RIT2: variants seen among roughly 807,000 people sequenced by gnomAD.
RIT2 encodes Ras like without CAAX 2, also known as GTP-binding protein Rit2.
Under a neutral mutation model 23.7 loss-of-function variants are expected in RIT2, and 24 were observed. The observed-to-expected ratio is 1.01, with a 90% CI of 0.73 to 1.43. The LOEUF is 1.43. Ranked by LOEUF, RIT2 falls within the 40% of genes most tolerant of loss-of-function variation. The probability of loss-of-function intolerance (pLI) is 0.00; values close to 1 mark genes in which losing one functional copy is unlikely to be tolerated. For synonymous variants in RIT2, 107 were observed against 91.1 expected (o/e 1.17, Z -0.99); for missense variants, 236 against 266.9 (o/e 0.88, Z 0.81).
chr18:42,997,286 T>C (rs955131883), intron 2 of RIT2, among the ~76,000 whole-genome samples: 7 of 152,128 alleles, frequency 4.6e-5, no homozygotes, highest in African/African-American at 1.4e-4. Flanking sequence ...TTTTGTTTTT[T>C]ATTTTTTTCC....
intron 4 of RIT2, among the ~76,000 whole-genome samples, chr18:42,851,048 G>C (rs1051170866): frequency 2.0e-5 from 3 of 152,124 alleles, no homozygotes; most frequent in African/African-American, 7.2e-5. Context: ...AGAAAATAAA[G>C]AAAATAAATG....
At chr18:42,771,429 T>C (rs1441481010) in intron 4 of RIT2, among the ~76,000 whole-genome samples, 9 of 152,214 alleles carry the variant, frequency 5.9e-5, no homozygotes, top group Non-Finnish European at 1.3e-4. Context: ...GCATAAATTC[T>C]TGTACTTACA....
rs78613697 is a variant in RIT2 at position 42,895,190 on chromosome 18, T to C, written c.426+28382A>G. ...TATCCTAGTAGTCTTTGTTTTTTTT[T>C]CTAGTAATTCTTGTAGTGACTTAAA... is the stretch of plus-strand genomic sequence containing the variant. On this transcript the variant is annotated intron_variant, in intron 4 of 4. Transcript: ENST00000326695. 2.7e-3 allele frequency among the ~76,000 whole-genome samples: 413 copies of C among 152,344 alleles called. 10 individuals carry two copies. The East Asian group carries it at 0.059, about 22-fold the overall frequency.
chr18:42,975,851 T>C (rs1910466730), intron 2 of RIT2, among the ~76,000 whole-genome samples: 1 of 152,062 alleles, frequency 6.6e-6, no homozygotes, highest in South Asian at 2.1e-4. Context: ...TATTCTGCCA[T>C]CTTGCTGACA....
At chr18:42,760,829 T>C (rs1280906571) in intron 4 of RIT2, among the ~76,000 whole-genome samples, 1 of 152,246 alleles carries the variant, frequency 6.6e-6, no homozygotes, top group African/African-American at 2.4e-5. Context: ...CTGGTCTCCC[T>C]GCATGCATCA....
At chr18:42,762,934 CA>C (rs1447031818) in intron 4 of RIT2, among the ~76,000 whole-genome samples, 1 of 152,162 alleles carries the variant, frequency 6.6e-6, no homozygotes, top group Non-Finnish European at 1.5e-5. Context: ...GATGGGGATA[CA>C]TTCATAAGAG....
intron 4 of RIT2, among the ~76,000 whole-genome samples, chr18:42,749,340 T>G (rs1912991580): frequency 6.6e-6 from 1 of 151,872 alleles, no homozygotes; most frequent in Admixed American, 6.6e-5. Flanking sequence ...TAATGATGCT[T>G]ATAGCATTAC....
At chr18:43,098,271 G>T (rs949123670) in intron 1 of RIT2, among the ~76,000 whole-genome samples, 17 of 151,794 alleles carry the variant, frequency 1.1e-4, no homozygotes, top group Non-Finnish European at 7.4e-5. Flanking sequence ...AATCTTTTAT[G>T]GTCAGAGTTT....
At chr18:43,020,561 A>G (rs1297570117) in intron 2 of RIT2, among the ~76,000 whole-genome samples, 2 of 152,062 alleles carry the variant, frequency 1.3e-5, no homozygotes, top group Admixed American at 6.6e-5. Context: ...AATTTTGAGA[A>G]TAAGGAGCAA....
chr18:43,010,759 T>G lies in RIT2; in HGVS notation c.160+23052A>C, dbSNP rs559734940. On this transcript the variant is annotated intron_variant, in intron 2 of 4. Coordinates refer to ENST00000326695, the MANE Select transcript of RIT2 (RefSeq NM_002930.4). ...ACACACATACCAGAGCTCTAGGTCA[T>G]GACTAATTTTTACAGGAATAAAAGA... Among the ~76,000 whole-genome samples, 223 of 151,912 alleles carry G rather than the reference T, an allele frequency of 1.5e-3. 1 individual carries two copies. The highest frequency in any genetic ancestry group is 2.7e-3 in the Non-Finnish European group (182 of 67,840).
chr18:42,790,724 C>T (rs1914024795), intron 4 of RIT2, among the ~76,000 whole-genome samples: 3 of 152,294 alleles, frequency 2.0e-5, no homozygotes, highest in East Asian at 1.9e-4. Flanking sequence ...CCACTGAGCC[C>T]GGCCCTTTAT....
chr18:43,096,147 T>A (rs1194667881), intron 1 of RIT2, among the ~76,000 whole-genome samples: 1 of 151,940 alleles, frequency 6.6e-6, no homozygotes, highest in African/African-American at 2.4e-5. Flanking sequence ...TCCCAACTTG[T>A]AAACAAGTAT....
intron 3 of RIT2, among the ~76,000 whole-genome samples, chr18:42,948,777 A>G (rs979758387): frequency 6.6e-6 from 1 of 152,118 alleles, no homozygotes; most frequent in Non-Finnish European, 1.5e-5. Flanking sequence ...GGAGCAAACC[A>G]AAAGCATGCA....
At chr18:42,945,711 T>G (rs537697363) in intron 3 of RIT2, among the ~76,000 whole-genome samples, 1 of 152,162 alleles carries the variant, frequency 6.6e-6, no homozygotes, top group Non-Finnish European at 1.5e-5. Flanking sequence ...AAAACATGCA[T>G]GCATTTTATT....
intron 4 of RIT2, among the ~76,000 whole-genome samples, chr18:42,887,641 C>A (rs531970523): frequency 3.7e-4 from 57 of 152,216 alleles, no homozygotes; most frequent in African/African-American, 1.3e-3. Flanking sequence ...GTCATGCAAC[C>A]CAGCAATCAA....
intron 4 of RIT2, among the ~76,000 whole-genome samples, chr18:42,831,515 T>A (rs1481896784): frequency 6.6e-6 from 1 of 152,184 alleles, no homozygotes; most frequent in Non-Finnish European, 1.5e-5. Context: ...TGTGGTCAGA[T>A]CCTTTAATCA....
At chr18:42,941,602 A>G (rs564198704) in intron 3 of RIT2, among the ~76,000 whole-genome samples, 1 of 152,274 alleles carries the variant, frequency 6.6e-6, no homozygotes, top group East Asian at 1.9e-4. Context: ...TACTCCCCTT[A>G]TTAAGCAGTG....
chr18:43,019,216 T>C (rs975047140), intron 2 of RIT2, among the ~76,000 whole-genome samples: 3 of 151,218 alleles, frequency 2.0e-5, no homozygotes, highest in African/African-American at 7.3e-5. Flanking sequence ...CCCAAGCATA[T>C]CAAAACCAGA....
intron 1 of RIT2, among the ~76,000 whole-genome samples, chr18:43,074,271 C>T (rs1003492249): frequency 2.6e-5 from 4 of 152,118 alleles, no homozygotes; most frequent in Non-Finnish European, 5.9e-5. Context: ...CTCTTAACAT[C>T]TTTGTCTGCA....
Sources: allele counts gnomAD v4.1 joint callset (sites outside exome capture counted in the v4.1 genomes callset), GRCh38; gene constraint gnomAD v4.1.1; transcripts MANE v1.5; gene names NCBI Gene and HGNC (gene_info 2026-07-23, HGNC 2026-07-21).